RAF1: variants seen among roughly 807,000 people sequenced by gnomAD.
RAF1 encodes the protein RAF proto-oncogene serine/threonine-protein kinase.
A neutral mutation model predicts 81.1 loss-of-function variants in RAF1; 27 were observed. The observed-to-expected ratio is 0.33, with a 90% CI of 0.25 to 0.46. The LOEUF (loss-of-function observed/expected upper bound fraction) is 0.46, where lower values mean the gene tolerates loss of function less well. RAF1 is among the 20% of genes least tolerant of loss of function. RAF1 has a pLI of 1.00. For missense variants in RAF1, 598 were observed against 826.0 expected (o/e 0.72, Z 3.38); for synonymous variants, 298 against 294.0 (o/e 1.01, Z -0.14).
chr3:12,655,229 T>C (rs1392876504), intron 1 of RAF1, among the ~76,000 whole-genome samples: 1 of 152,088 alleles, frequency 6.6e-6, no homozygotes, highest in Non-Finnish European at 1.5e-5. Flanking sequence ...ATTACAGGCA[T>C]GCGCCAACAA....
intron 1 of RAF1, among the ~76,000 whole-genome samples, chr3:12,624,223 G>A (rs1372587459): frequency 6.6e-6 from 1 of 152,108 alleles, no homozygotes; most frequent in Non-Finnish European, 1.5e-5. Flanking sequence ...GCTGAAATAC[G>A]CAGACAATGC....
chr3:12,663,754 G>C, intron 1 of RAF1, 59 bp downstream of exon 1: 1 of 395,650 alleles, frequency 2.5e-6, no homozygotes. Flanking sequence ...CCTGGAAGCC[G>C]ATCCCTCAGC....
chr3:12,611,594 G>A (rs796630864), intron 3 of RAF1, among the ~76,000 whole-genome samples: 12 of 152,248 alleles, frequency 7.9e-5, no homozygotes, highest in East Asian at 3.9e-4. Context: ...CAGCTACTCC[G>A]GAGGCTGAGG....
intron 1 of RAF1, among the ~76,000 whole-genome samples, chr3:12,632,568 G>A (rs1469509525): frequency 2.0e-5 from 3 of 152,128 alleles, no homozygotes; most frequent in African/African-American, 4.8e-5. Flanking sequence ...ATCTTTCTAA[G>A]AATTCCACAT....
At chr3:12,627,351 A>T (rs1281373089) in intron 1 of RAF1, among the ~76,000 whole-genome samples, 1 of 152,216 alleles carries the variant, frequency 6.6e-6, no homozygotes, top group Non-Finnish European at 1.5e-5. Context: ...CACCCCTACC[A>T]ATCATCACAG....
intron 7 of RAF1, 81 bp downstream of exon 7, chr3:12,604,055 T>A (rs1003017490): frequency 7.8e-6 from 12 of 1,540,702 alleles, no homozygotes; most frequent in Non-Finnish European, 7.2e-6. Context: ...TTGATCAGAT[T>A]TGAAACCCAA....
intron 5 of RAF1, among the ~76,000 whole-genome samples, chr3:12,607,949 CAAAAAAA>C (rs58308841): frequency 9.0e-5 from 6 of 66,856 alleles, no homozygotes; most frequent in African/African-American, 3.0e-4. Context: ...GACTTGTCTC[CAAAAAAA>C]AAAAAAAAAA....
chr3:12,609,139 T>C, intron 4 of RAF1, 94 bp downstream of exon 4: 1 of 1,071,344 alleles, frequency 9.3e-7, no homozygotes, highest in Non-Finnish European at 1.4e-6. Context: ...AATCCAACTA[T>C]ATATATATAT....
intron 1 of RAF1, among the ~76,000 whole-genome samples, chr3:12,653,582 TA>T (rs2060598697): frequency 6.6e-6 from 1 of 152,008 alleles, no homozygotes; most frequent in Admixed American, 6.6e-5. Context: ...CTGTCTCTAC[TA>T]AAAATATAAA....
At chr3:12,662,659 C>G (rs555012663) in intron 1 of RAF1, among the ~76,000 whole-genome samples, 1 of 152,188 alleles carries the variant, frequency 6.6e-6, no homozygotes, top group East Asian at 1.9e-4. Context: ...CCAACTCCCA[C>G]ATGGCTCTAA....
chr3:12,654,405 C>T (rs2060622778), intron 1 of RAF1, among the ~76,000 whole-genome samples: 1 of 152,076 alleles, frequency 6.6e-6, no homozygotes, highest in African/African-American at 2.4e-5. Flanking sequence ...ACTTCGACAT[C>T]AGCCTGGGCA....
intron 11 of RAF1, among the ~76,000 whole-genome samples, chr3:12,596,984 T>C (rs952193408): frequency 6.6e-6 from 1 of 151,916 alleles, no homozygotes. Context: ...CTGTAAGCTC[T>C]GCCTCCCGGG....
In RAF1 at chr3:12,655,324, G is replaced by C. The variant is rs536324731; in HGVS notation, c.-27+8489C>G. Among the ~76,000 whole-genome samples the C allele has an allele frequency of 2.0e-3, 300 of 152,270 alleles. 1 individual carries two copies. Among genetic ancestry groups the C allele is most frequent in the African/African-American group, 6.3e-3 (262 of 41,568 alleles). On this transcript the variant is annotated intron_variant, in intron 1 of 17. Coordinates refer to ENST00000442415, the MANE Select transcript of RAF1 (RefSeq NM_001354689.3). ...TGGTCTCGAACTCCTGACCTCAGGTGATCCGCCCGCCTCGGCCTCCCAAAG... is the reference window on the plus strand; with the variant it reads ...TGGTCTCGAACTCCTGACCTCAGGTCATCCGCCCGCCTCGGCCTCCCAAAG...
At position 12,615,243 on chromosome 3, in the gene RAF1, T is replaced by C. The variant is rs147625586; in HGVS notation, c.208-3181A>G. 3.2e-3 allele frequency among the ~76,000 whole-genome samples: 486 copies of C among 152,308 alleles called. 3 individuals carry two copies. Among genetic ancestry groups the C allele is most frequent in the African/African-American group, 0.011 (455 of 41,566 alleles). On this transcript the variant is annotated intron_variant, in intron 2 of 17. Transcript: ENST00000442415. ...CTTATCTAATAATAATTAGAAGCAG[T>C]AGCAGCAGCAGCAATAGCAGCAACA...
In RAF1 at chr3:12,636,313, T is replaced by C. The variant is rs570819782; in HGVS notation, c.-26-17566A>G. ...AAAAACAAAAAAAAAAACAGCTGGGTTTGGTGGTACATACCACCAAGCTAC... is the reference window on the plus strand; with the variant it reads ...AAAAACAAAAAAAAAAACAGCTGGGCTTGGTGGTACATACCACCAAGCTAC... On this transcript the variant is annotated intron_variant, in intron 1 of 17. Coordinates refer to ENST00000442415, the MANE Select transcript of RAF1 (RefSeq NM_001354689.3). Among the ~76,000 whole-genome samples the C allele has an allele frequency of 7.1e-3, 1,071 of 150,108 alleles. 5 individuals carry two copies. Among genetic ancestry groups the C allele is most frequent in the African/African-American group, 0.025 (1,003 of 40,936 alleles).
chr3:12,620,032 A>G (rs550956193), intron 1 of RAF1, among the ~76,000 whole-genome samples: 1 of 152,142 alleles, frequency 6.6e-6, no homozygotes, highest in Non-Finnish European at 1.5e-5. Context: ...CGGTGAGCTG[A>G]GATCGCACCA....
intron 1 of RAF1, among the ~76,000 whole-genome samples, chr3:12,628,128 T>TA (rs1266560879): frequency 1.3e-5 from 2 of 152,356 alleles, no homozygotes; most frequent in African/African-American, 2.4e-5. Context: ...ATTAAAATGT[T>TA]AGAGTGTAAA....
chr3:12,605,599 T>C (rs960745143), intron 6 of RAF1, among the ~76,000 whole-genome samples: 14 of 152,182 alleles, frequency 9.2e-5, no homozygotes, highest in African/African-American at 1.4e-4. Flanking sequence ...ATTTTGGATG[T>C]AGATTTTACT....
intron 14 of RAF1, chr3:12,587,123 G>A (rs1223705339): frequency 2.4e-5 from 4 of 165,218 alleles, no homozygotes; most frequent in South Asian, 1.5e-4. Context: ...GAGCCATCAC[G>A]CCCAGTCAAG....
Sources: gnomAD v4.1 joint callset for allele counts (sites outside exome capture counted in the v4.1 genomes callset) on GRCh38, gnomAD v4.1.1 for gene constraint, MANE v1.5 for transcripts, NCBI Gene and HGNC (gene_info 2026-07-23, HGNC 2026-07-21) for gene names.